The following PAX7 variants were observed in gnomAD, a reference collection of about 807,000 sequenced individuals.
The protein encoded by PAX7 is paired box protein Pax-7.
Under a neutral mutation model 50.7 loss-of-function variants are expected in PAX7, and 18 were observed. The ratio of observed to expected loss-of-function variants is 0.36; its 90% CI spans 0.25 to 0.53. PAX7 has a LOEUF of 0.53. PAX7 is among the 20% of genes least tolerant of loss of function. The pLI is 0.93. For synonymous variants in PAX7, 310 were observed against 290.4 expected (o/e 1.07, Z -0.69); for missense variants, 644 against 702.9 (o/e 0.92, Z 0.95).
chr1:18,736,090 C>A, intron 8 of PAX7: 2 of 805,230 alleles, frequency 2.5e-6, no homozygotes, highest in Admixed American at 2.4e-5. Flanking sequence ...TAAGCCTCTG[C>A]TTCCGTACTA....
At chr1:18,669,839 T>C (rs1331538319) in intron 4 of PAX7, among the ~76,000 whole-genome samples, 1 of 152,042 alleles carries the variant, frequency 6.6e-6, no homozygotes, top group South Asian at 2.1e-4. Context: ...AAAAAGCCCT[T>C]AATAGGGAGG....
intron 4 of PAX7, among the ~76,000 whole-genome samples, chr1:18,664,925 G>A (rs753339967): frequency 6.6e-6 from 1 of 152,118 alleles, no homozygotes; most frequent in Non-Finnish European, 1.5e-5. Flanking sequence ...ATTACCCTTT[G>A]GTTCCAGTGA....
At position 18,735,481 on chromosome 1, in the gene PAX7, TCAGGTA is replaced by T; in HGVS notation, c.1156-150_1156-145del. 4 of 1,395,706 alleles carry T rather than the reference TCAGGTA, an allele frequency of 2.9e-6. No individual in the cohort carries two copies. In the South Asian group the frequency reaches 6.1e-5, roughly 21 times the overall value. 86.5% of individuals were successfully genotyped at this position (1,395,706 alleles called of 1,614,324 possible). ...CATCCCATGCATGAGGGCACGCAAA[TCAGGTA>T]AACTGAGGACCTCGAAGCTACAGAG... On this transcript the variant is annotated intron_variant, in intron 7 of 8. Coordinates refer to ENST00000420770, the MANE Select transcript of PAX7 (RefSeq NM_001135254.2). The surrounding 1 kb of genome is among the most constrained non-coding windows in gnomAD (Gnocchi z 4.0).
At position 18,746,120 on chromosome 1, in the gene PAX7, A is replaced by G. The variant is rs1570255466; in HGVS notation, c.*1191A>G. Reference sequence around the variant, plus strand: ...TCAGAGCTTTGGAGGAGGGTTGTAGACTGGGCAGGGATGGTTTGCCCCACA... The same window carrying G: ...TCAGAGCTTTGGAGGAGGGTTGTAGGCTGGGCAGGGATGGTTTGCCCCACA... On this transcript the variant is annotated 3_prime_UTR_variant, in exon 9 of 9. Transcript: ENST00000420770. 3 of 231,988 alleles carry G rather than the reference A, an allele frequency of 1.3e-5. No individual in the cohort carries two copies. In the East Asian group the frequency reaches 1.8e-4, roughly 14 times the overall value. 14.4% of individuals were successfully genotyped at this position (231,988 alleles called of 1,614,324 possible).
intron 4 of PAX7, among the ~76,000 whole-genome samples, chr1:18,687,980 G>A (rs537225942): frequency 1.3e-5 from 2 of 152,302 alleles, no homozygotes; most frequent in East Asian, 3.9e-4. Context: ...GCAGGACCCA[G>A]GGATCAGCTG....
Position 18,634,313 on chromosome 1 carries a change from G to A in PAX7, c.96G>A (p.Pro32=), listed in dbSNP as rs531880240. ...RTGFPLEVST[P]LGQGRVNQLG... is the part of the protein sequence containing the mutation. ...CCCTCCCTTCTCCAGTGTCCACCCC[G>A]CTTGGCCAAGGCCGGGTCAATCAGC... The change falls in exon 2 of 9, where the codon CCG becomes CCA. Residue 32 remains proline (P), a synonymous_variant. Coordinates refer to ENST00000420770, the MANE Select transcript of PAX7 (RefSeq NM_001135254.2). The surrounding 1 kb of genome is among the most constrained non-coding windows in gnomAD (Gnocchi z 4.0). 8.4e-5 allele frequency: 135 copies of A among 1,613,572 alleles called. No individual in the cohort carries two copies. In the East Asian group the frequency reaches 1.9e-3, roughly 22 times the overall value.
At chr1:18,682,449 C>T (rs1425809943) in intron 4 of PAX7, among the ~76,000 whole-genome samples, 1 of 152,180 alleles carries the variant, frequency 6.6e-6, no homozygotes, top group East Asian at 1.9e-4. Flanking sequence ...ATGTTGCCCC[C>T]TTTCTAGAAT....
rs758779913 is a variant in PAX7 at position 18,691,925 on chromosome 1, G to A, written c.758G>A (p.Arg253Lys). 40 of 1,613,982 alleles carry A rather than the reference G, an allele frequency of 2.5e-5. No homozygotes were observed. The South Asian group carries it at 4.4e-4, about 18-fold the overall frequency. ...TACACCCGCGAGGAGCTGGCGCAGA[G>A]GACCAAGCTGACAGAGGCGCGTGTG... ...DIYTREELAQRTKLTEARVQV... is the reference protein window; with the variant it reads ...DIYTREELAQKTKLTEARVQV... The change falls in exon 5 of 9, where the codon AGG becomes AAG. Residue 253 changes from arginine to lysine, a missense_variant. Physicochemically the swap from Arg to Lys is conservative, Grantham distance 26 (BLOSUM62 2). Transcript: ENST00000420770.
chr1:18,674,724 G>C (rs1372776911), intron 4 of PAX7, among the ~76,000 whole-genome samples: 3 of 152,242 alleles, frequency 2.0e-5, no homozygotes, highest in Non-Finnish European at 2.9e-5. Flanking sequence ...ATGGGTGAGA[G>C]GGGTTGTGTG....
chr1:18,739,951 T>A (rs1269185227), intron 8 of PAX7, among the ~76,000 whole-genome samples: 1 of 152,198 alleles, frequency 6.6e-6, no homozygotes, highest in African/African-American at 2.4e-5. Flanking sequence ...CTGACAAGTC[T>A]AATAAGAATT....
At chr1:18,641,882 T>C (rs899305663) in intron 4 of PAX7, among the ~76,000 whole-genome samples, 1 of 152,042 alleles carries the variant, frequency 6.6e-6, no homozygotes, top group Admixed American at 6.6e-5. Flanking sequence ...TCTCAAATGT[T>C]GGGAAGAGAT....
At chr1:18,740,963 G>C (rs1454915938) in intron 8 of PAX7, among the ~76,000 whole-genome samples, 1 of 152,202 alleles carries the variant, frequency 6.6e-6, no homozygotes, top group African/African-American at 2.4e-5. Context: ...GAGGTAGAGA[G>C]TCAAATGATG....
chr1:18,719,999 G>C (rs1033414485), intron 7 of PAX7, among the ~76,000 whole-genome samples: 50 of 152,156 alleles, frequency 3.3e-4, no homozygotes, highest in Non-Finnish European at 1.9e-4. Context: ...TCGGAGAGGT[G>C]AGCCCCGTGG....
Position 18,656,835 on chromosome 1 carries a change from T to TA in PAX7, c.586+20471dup, listed in dbSNP as rs1266711948. Among the ~76,000 whole-genome samples, 7 of 150,606 alleles carry TA rather than the reference T, an allele frequency of 4.6e-5. No homozygotes were observed. The South Asian group carries it at 1.1e-3, about 23-fold the overall frequency. ...CACGAACCCTCTCTCTACCAAAAAA[T>TA]AAAAAAATTAGCCGGGCATGGTGGG... On this transcript the variant is annotated intron_variant, in intron 4 of 8. Coordinates refer to ENST00000420770, the MANE Select transcript of PAX7 (RefSeq NM_001135254.2).
chr1:18,738,970 G>A (rs1158899533), intron 8 of PAX7, among the ~76,000 whole-genome samples: 1 of 152,116 alleles, frequency 6.6e-6, no homozygotes, highest in Non-Finnish European at 1.5e-5. Context: ...CACATCCCTG[G>A]GCAACTTAAT....
Position 18,691,801 on chromosome 1 carries a change from C to T in PAX7, c.634C>T (p.Pro212Ser). The change falls in exon 5 of 9, where the codon CCA becomes TCA. Residue 212 changes from proline to serine, a missense_variant. Pro to Ser is a moderately conservative substitution (Grantham distance 74). Transcript: ENST00000420770. ...GSDVESEPDL[P>S]LKRKQRRSRT... ...GGATGTGGAGTCGGAACCTGACCTC[C>T]CACTGAAGCGCAAGCAGCGACGCAG... is the stretch of plus-strand genomic sequence containing the variant. 1.2e-6 allele frequency: 2 copies of T among 1,607,880 alleles called. No individual in the cohort carries two copies. Among genetic ancestry groups the T allele is most frequent in the Non-Finnish European group, 1.7e-6 (2 of 1,177,462 alleles).
chr1:18,739,656 G>A (rs974949890), intron 8 of PAX7, among the ~76,000 whole-genome samples: 8 of 152,156 alleles, frequency 5.3e-5, no homozygotes, highest in Admixed American at 4.6e-4. Context: ...CCACCTTCAG[G>A]TGTGCATGGA....
rs932601286 is a variant in PAX7, at chr1:18,714,460, G to A, written c.1155+11164G>A. Among the ~76,000 whole-genome samples, 4 of 152,102 alleles carry A rather than the reference G, an allele frequency of 2.6e-5. No individual in the cohort carries two copies. In the South Asian group the frequency reaches 6.2e-4, roughly 24 times the overall value. Reference sequence around the variant, plus strand: ...AATGTTCCTCTTTCTGCTTCTCCTCGCCCTGAACAGAAATTGAACTCCAGA... The same window carrying A: ...AATGTTCCTCTTTCTGCTTCTCCTCACCCTGAACAGAAATTGAACTCCAGA... On this transcript the variant is annotated intron_variant, in intron 7 of 8. Coordinates refer to ENST00000420770, the MANE Select transcript of PAX7 (RefSeq NM_001135254.2).
chr1:18,725,308 C>A lies in PAX7; in HGVS notation c.1156-10324C>A, dbSNP rs909598072. Among the ~76,000 whole-genome samples the A allele has an allele frequency of 2.7e-4, 15 of 55,468 alleles. 1 individual carries two copies. In the East Asian group the frequency reaches 5.4e-3, roughly 20 times the overall value. 36.4% of individuals were successfully genotyped at this position (55,468 alleles called of 152,430 possible). On this transcript the variant is annotated intron_variant, in intron 7 of 8. Transcript: ENST00000420770. ...CAATTACAGAGGTGGAGACGCCCCCCCCCCGCCCCACCAACACCGCCAGGC... is the reference window on the plus strand; with the variant it reads ...CAATTACAGAGGTGGAGACGCCCCCACCCCGCCCCACCAACACCGCCAGGC...
Sources: allele counts gnomAD v4.1 joint callset (sites outside exome capture counted in the v4.1 genomes callset), GRCh38; gene constraint gnomAD v4.1.1; non-coding constraint Gnocchi (gnomAD v3.1); transcripts MANE v1.5; gene names NCBI Gene and HGNC (gene_info 2026-07-23, HGNC 2026-07-21).